The following DCC variants were observed in gnomAD, a reference collection of about 807,000 sequenced individuals.
DCC encodes DCC netrin 1 receptor.
DCC carries 58 observed loss-of-function variants against 172.5 expected under a neutral mutation model. That is an observed-to-expected ratio of 0.34 (90% CI 0.27 to 0.42). DCC has a LOEUF of 0.42. Among genes scored for constraint, DCC ranks in the 10% least tolerant of loss-of-function variants. DCC has a pLI of 1.00. For missense variants in DCC, 1,740 were observed against 1,791.0 expected (o/e 0.97, Z 0.51); for synonymous variants, 709 against 644.5 (o/e 1.10, Z -1.52).
chr18:52,833,235 C>A (rs771130281), intron 2 of DCC, among the ~76,000 whole-genome samples: 5 of 152,130 alleles, frequency 3.3e-5, no homozygotes, highest in Non-Finnish European at 7.4e-5. Flanking sequence ...AATACAAGTT[C>A]TTCTAGCTGT....
At chr18:52,940,091 C>T (rs1035495120) in intron 5 of DCC, among the ~76,000 whole-genome samples, 2 of 152,158 alleles carry the variant, frequency 1.3e-5, no homozygotes, top group East Asian at 3.9e-4. Flanking sequence ...CTTAGTAAGT[C>T]TTCCAAGTGA....
chr18:52,711,596 G>T (rs1175215397), intron 1 of DCC, among the ~76,000 whole-genome samples: 1 of 152,156 alleles, frequency 6.6e-6, no homozygotes, highest in Non-Finnish European at 1.5e-5. Context: ...ACTTTAAGTT[G>T]CCAACAGACT....
chr18:52,995,115 CTAAAT>C (rs769916551), intron 5 of DCC, among the ~76,000 whole-genome samples: 4 of 152,118 alleles, frequency 2.6e-5, no homozygotes, highest in South Asian at 4.1e-4. Flanking sequence ...AAAGTGGTGC[CTAAAT>C]TAACATGAAT....
At chr18:52,971,308 A>G (rs1413803122) in intron 5 of DCC, among the ~76,000 whole-genome samples, 1 of 151,906 alleles carries the variant, frequency 6.6e-6, no homozygotes, top group African/African-American at 2.4e-5. Context: ...CATTATGAAC[A>G]GGGCCCAGAA....
At chr18:52,783,925 T>C (rs1160439279) in intron 2 of DCC, among the ~76,000 whole-genome samples, 1 of 152,078 alleles carries the variant, frequency 6.6e-6, no homozygotes, top group African/African-American at 2.4e-5. Context: ...ACCTCAAATG[T>C]TTACCATTTC....
At chr18:52,672,948 A>G (rs2035579812) in intron 1 of DCC, among the ~76,000 whole-genome samples, 1 of 152,162 alleles carries the variant, frequency 6.6e-6, no homozygotes, top group Non-Finnish European at 1.5e-5. Flanking sequence ...CCTTAGTCCC[A>G]GCTACTTGGG....
At chr18:52,422,473 C>A (rs1338913387) in intron 1 of DCC, among the ~76,000 whole-genome samples, 1 of 152,160 alleles carries the variant, frequency 6.6e-6, no homozygotes, top group East Asian at 1.9e-4. Context: ...CTTCTGTATT[C>A]AATCCCACTT....
intron 1 of DCC, among the ~76,000 whole-genome samples, chr18:52,446,313 T>TA (rs1241547681): frequency 6.6e-6 from 1 of 152,160 alleles, no homozygotes; most frequent in Non-Finnish European, 1.5e-5. Context: ...AAGAAGACAA[T>TA]AAATTTTAGG....
chr18:52,653,842 G>T (rs1328698664), intron 1 of DCC, among the ~76,000 whole-genome samples: 2 of 152,016 alleles, frequency 1.3e-5, no homozygotes, highest in Non-Finnish European at 2.9e-5. Context: ...CTTCACTTTT[G>T]TTGCCCAGTG....
At chr18:52,655,982 G>GTGCGTATATATA (rs1568277523) in intron 1 of DCC, among the ~76,000 whole-genome samples, 3 of 121,620 alleles carry the variant, frequency 2.5e-5, no homozygotes, top group Admixed American at 1.6e-4. Flanking sequence ...GTGTGTGTGT[G>GTGCGTATATATA]TGTGTATATA....
At chr18:53,275,977 C>G (rs1481472037) in intron 12 of DCC, among the ~76,000 whole-genome samples, 1 of 151,862 alleles carries the variant, frequency 6.6e-6, no homozygotes, top group African/African-American at 2.4e-5. Context: ...AAATATGACT[C>G]TCATAAATAT....
intron 3 of DCC, among the ~76,000 whole-genome samples, chr18:52,917,433 G>A (rs2040059097): frequency 6.6e-6 from 1 of 152,132 alleles, no homozygotes; most frequent in African/African-American, 2.4e-5. Context: ...GAGCTTCAAG[G>A]GGATATTCAA....
chr18:52,425,509 G>A (rs1449025936), intron 1 of DCC, among the ~76,000 whole-genome samples: 3 of 152,064 alleles, frequency 2.0e-5, no homozygotes, highest in South Asian at 2.1e-4. Flanking sequence ...CTATCAGCAC[G>A]TTCTATGTCC....
intron 1 of DCC, among the ~76,000 whole-genome samples, chr18:52,611,065 A>G (rs1336128730): frequency 5.3e-5 from 8 of 152,154 alleles, no homozygotes; most frequent in African/African-American, 1.7e-4. Context: ...TGTTGTAGGT[A>G]TGTTTAATCA....
chr18:52,824,848 T>C (rs2038480633), intron 2 of DCC, among the ~76,000 whole-genome samples: 1 of 152,000 alleles, frequency 6.6e-6, no homozygotes, highest in South Asian at 2.1e-4. Flanking sequence ...CAGGTGCCTG[T>C]AATCCCAGCT....
intron 5 of DCC, among the ~76,000 whole-genome samples, chr18:52,941,850 T>C (rs2145525504): frequency 1.3e-5 from 2 of 152,300 alleles, no homozygotes; most frequent in East Asian, 3.9e-4. Context: ...TGGTGTCATC[T>C]TGGCTCACTG....
At chr18:53,396,478 A>G (rs11877506) in intron 17 of DCC, among the ~76,000 whole-genome samples, 5,728 of 152,306 alleles carry the variant, frequency 0.038, 130 homozygotes, top group African/African-American at 0.065. Flanking sequence ...GAAGACTTCA[A>G]TAATACCAAC....
chr18:53,391,378 A>G (rs13381915), intron 16 of DCC, among the ~76,000 whole-genome samples: 64,380 of 152,046 alleles, frequency 0.42, 15,424 homozygotes, highest in Non-Finnish European at 0.55. Context: ...TCTTTAAAAT[A>G]TATAAGCAGA....
At chr18:53,091,435 A>G (rs2043007809) in intron 7 of DCC, among the ~76,000 whole-genome samples, 1 of 150,072 alleles carries the variant, frequency 6.7e-6, no homozygotes, top group South Asian at 2.1e-4. Context: ...CGCACAATTC[A>G]AGCATAATAA....
Sources: allele counts gnomAD v4.1 joint callset (sites outside exome capture counted in the v4.1 genomes callset), GRCh38; gene constraint gnomAD v4.1.1; transcripts MANE v1.5; gene names NCBI Gene and HGNC (gene_info 2026-07-23, HGNC 2026-07-21).